The following CTNNA2 variants were observed in gnomAD, a reference collection of about 807,000 sequenced individuals.
CTNNA2 encodes the protein catenin alpha 2, also known as catenin alpha-2.
In CTNNA2, 42 loss-of-function variants were observed where a neutral mutation model predicts 101.0. The ratio of observed to expected loss-of-function variants is 0.42; its 90% CI spans 0.32 to 0.54. The LOEUF (loss-of-function observed/expected upper bound fraction) is 0.54. CTNNA2 is among the 20% of genes least tolerant of loss of function. CTNNA2 has a pLI of 0.14. For synonymous variants in CTNNA2, 450 were observed against 456.4 expected (o/e 0.99, Z 0.18); for missense variants, 871 against 1,223.1 (o/e 0.71, Z 4.29).
chr2:79,215,765 G>C (rs149306102), intron 2 of CTNNA2, among the ~76,000 whole-genome samples: 5 of 152,226 alleles, frequency 3.3e-5, no homozygotes, highest in Admixed American at 6.5e-5. Flanking sequence ...CTGGGCAGGT[G>C]GGGGAGGGCT....
chr2:79,224,079 A>G (rs1053881397), intron 2 of CTNNA2, among the ~76,000 whole-genome samples: 3 of 152,246 alleles, frequency 2.0e-5, no homozygotes, highest in African/African-American at 4.8e-5. Context: ...AAAGTCTTCA[A>G]TGACAATTGC....
At chr2:80,217,399 G>A (rs892873389) in intron 7 of CTNNA2, among the ~76,000 whole-genome samples, 1 of 152,076 alleles carries the variant, frequency 6.6e-6, no homozygotes, top group Non-Finnish European at 1.5e-5. Flanking sequence ...CAGCAGCTGT[G>A]TAATTCTGTG....
chr2:79,440,153 C>G (rs1678761480), intron 4 of CTNNA2, among the ~76,000 whole-genome samples: 1 of 152,030 alleles, frequency 6.6e-6, no homozygotes, highest in Non-Finnish European at 1.5e-5. Flanking sequence ...AATAACCTTA[C>G]TTCAGAAGTG....
intron 2 of CTNNA2, among the ~76,000 whole-genome samples, chr2:79,219,605 G>A (rs987629832): frequency 1.3e-5 from 2 of 152,128 alleles, no homozygotes; most frequent in African/African-American, 4.8e-5. Flanking sequence ...ATATGGCCTC[G>A]AAAATTGAAA....
At chr2:80,130,779 G>A (rs1176823438) in intron 7 of CTNNA2, among the ~76,000 whole-genome samples, 1 of 150,866 alleles carries the variant, frequency 6.6e-6, no homozygotes, top group South Asian at 2.1e-4. Flanking sequence ...CTGATATAAA[G>A]TTGCTTTTTA....
chr2:79,522,014 C>T (rs549986718), intron 1 of CTNNA2, among the ~76,000 whole-genome samples: 3 of 152,264 alleles, frequency 2.0e-5, no homozygotes, highest in African/African-American at 2.4e-5. Context: ...CAGGCAAATT[C>T]GATTGCAGTT....
At position 80,382,068 on chromosome 2, in the gene CTNNA2, G is replaced by A. The variant is rs556870564; in HGVS notation, c.1057-11143G>A. ...GAATGAGTGTATAAAGTGTAAAAAG[G>A]GAATGAGAGTAGGCAACAATATGAC... On this transcript the variant is annotated intron_variant, in intron 7 of 18. Transcript: ENST00000402739. 2.0e-5 allele frequency among the ~76,000 whole-genome samples: 3 copies of A among 152,272 alleles called. No homozygotes were observed. The South Asian group carries it at 6.2e-4, about 32-fold the overall frequency.
chr2:79,622,038 A>C (rs1679029484), intron 1 of CTNNA2, among the ~76,000 whole-genome samples: 1 of 152,326 alleles, frequency 6.6e-6, no homozygotes, highest in South Asian at 2.1e-4. Context: ...TGTGTCTTGG[A>C]CAAGATCCTG....
intron 4 of CTNNA2, among the ~76,000 whole-genome samples, chr2:79,410,446 G>A (rs1678396289): frequency 6.6e-6 from 1 of 151,842 alleles, no homozygotes; most frequent in Non-Finnish European, 1.5e-5. Flanking sequence ...GTTTGTCATA[G>A]ATAGCTCTTT....
At chr2:80,371,105 C>T (rs1431467208) in intron 7 of CTNNA2, among the ~76,000 whole-genome samples, 6 of 152,144 alleles carry the variant, frequency 3.9e-5, no homozygotes, top group African/African-American at 1.4e-4. Context: ...AGGAAGGGTA[C>T]TTCTCAAATG....
intron 7 of CTNNA2, among the ~76,000 whole-genome samples, chr2:80,281,507 T>A (rs1268901678): frequency 6.6e-6 from 1 of 152,162 alleles, no homozygotes. Flanking sequence ...AAGGGCAATT[T>A]CTCCTTATGT....
chr2:80,427,097 G>T (rs1291540302), intron 9 of CTNNA2, among the ~76,000 whole-genome samples: 1 of 151,960 alleles, frequency 6.6e-6, no homozygotes, highest in Non-Finnish European at 1.5e-5. Context: ...CAAGCACCTA[G>T]CATATAGCAG....
intron 3 of CTNNA2, among the ~76,000 whole-genome samples, chr2:79,836,835 T>C (rs1679402912): frequency 6.6e-6 from 1 of 152,134 alleles, no homozygotes; most frequent in African/African-American, 2.4e-5. Flanking sequence ...AGTGGCATGA[T>C]CATGGCTTAC....
chr2:80,646,788 C>T (rs1674139697), intron 18 of CTNNA2, among the ~76,000 whole-genome samples: 1 of 152,042 alleles, frequency 6.6e-6, no homozygotes, highest in South Asian at 2.1e-4. Flanking sequence ...AAAAGCCATC[C>T]TATCCAACAA....
At chr2:79,215,323 C>T (rs1223940372) in intron 2 of CTNNA2, among the ~76,000 whole-genome samples, 2 of 152,076 alleles carry the variant, frequency 1.3e-5, no homozygotes, top group African/African-American at 4.8e-5. Flanking sequence ...CTGGCCACTG[C>T]GGTTCAGGCG....
At chr2:80,366,292 G>C (rs1262261026) in intron 7 of CTNNA2, among the ~76,000 whole-genome samples, 2 of 152,062 alleles carry the variant, frequency 1.3e-5, no homozygotes, top group African/African-American at 2.4e-5. Flanking sequence ...CATTTCTGAG[G>C]CCCAGTAGAA....
intron 7 of CTNNA2, among the ~76,000 whole-genome samples, chr2:80,028,945 A>C (rs2104173420): frequency 6.6e-6 from 1 of 152,336 alleles, no homozygotes; most frequent in East Asian, 1.9e-4. Context: ...GGAACTATAA[A>C]ATAATAAATT....
intron 2 of CTNNA2, among the ~76,000 whole-genome samples, chr2:79,657,182 C>A (rs1484899891): frequency 6.6e-6 from 1 of 151,704 alleles, no homozygotes; most frequent in Non-Finnish European, 1.5e-5. Context: ...AAATGGCCAA[C>A]ATAAACCCCT....
intron 3 of CTNNA2, among the ~76,000 whole-genome samples, chr2:79,857,565 G>A (rs1368918): frequency 0.85 from 129,238 of 152,180 alleles, 54,968 homozygotes; most frequent in African/African-American, 0.89. Flanking sequence ...AGCTCAATTA[G>A]GAGTACAGTG....
Sources: allele counts gnomAD v4.1 joint callset (sites outside exome capture counted in the v4.1 genomes callset), GRCh38; gene constraint gnomAD v4.1.1; transcripts MANE v1.5; gene names NCBI Gene and HGNC (gene_info 2026-07-23, HGNC 2026-07-21).